The following PIGB variants were observed in gnomAD, a reference collection of about 807,000 sequenced individuals.
PIGB encodes the protein GPI alpha-1,2-mannosyltransferase 3.
PIGB carries 58 observed loss-of-function variants against 68.4 expected under a neutral mutation model. The ratio of observed to expected loss-of-function variants is 0.85; its 90% CI spans 0.69 to 1.06. PIGB has a LOEUF of 1.06. Ranked by LOEUF, PIGB falls within the 50% of genes least tolerant of loss-of-function variation. The probability of loss-of-function intolerance (pLI) is 0.00; values close to 1 mark genes in which losing one functional copy is unlikely to be tolerated. For synonymous variants in PIGB, 219 were observed against 220.5 expected (o/e 0.99, Z 0.06); for missense variants, 634 against 655.8 (o/e 0.97, Z 0.36).
At chr15:55,345,707 C>T (rs142473725) in intron 9 of PIGB, among the ~76,000 whole-genome samples, 3 of 152,204 alleles carry the variant, frequency 2.0e-5, no homozygotes, top group East Asian at 1.9e-4. Context: ...TGCATTGAGC[C>T]GAGATCGGCA....
In PIGB at chr15:55,351,955, T is replaced by C. The variant is rs183585386; in HGVS notation, c.1337+1043T>C. 976 of 154,222 alleles carry C rather than the reference T, an allele frequency of 6.3e-3. 8 individuals are homozygous for C. Among genetic ancestry groups the C allele is most frequent in the Non-Finnish European group, 0.011 (769 of 70,708 alleles). The allele number at this position is 154,222 out of a possible 1,614,324, so 9.6% of individuals were successfully genotyped here. On this transcript the variant is annotated intron_variant, in intron 10 of 11. Transcript: ENST00000164305. ...CCCTCATCTTAAACTAGACTTCTTT[T>C]TTTTTTTTTTTAGATGGAGTTTTGC...
intron 2 of PIGB, among the ~76,000 whole-genome samples, chr15:55,320,920 C>G (rs1042309686): frequency 6.6e-6 from 1 of 152,132 alleles, no homozygotes; most frequent in Admixed American, 6.5e-5. Context: ...ATATACTTGA[C>G]ACAGCCGTTA....
At chr15:55,332,154 T>C (rs112560981) in intron 5 of PIGB, among the ~76,000 whole-genome samples, 3 of 151,660 alleles carry the variant, frequency 2.0e-5, no homozygotes, top group Admixed American at 2.0e-4. Context: ...TTTGTATTTT[T>C]AGTAGAGATG....
intron 9 of PIGB, among the ~76,000 whole-genome samples, chr15:55,349,063 G>A (rs1179227490): frequency 6.6e-6 from 1 of 150,728 alleles, no homozygotes; most frequent in Non-Finnish European, 1.5e-5. Flanking sequence ...TTATATTTTA[G>A]TAGAGATGGG....
intron 7 of PIGB, chr15:55,340,400 G>A (rs2055639798): frequency 3.8e-6 from 1 of 265,982 alleles, no homozygotes; most frequent in East Asian, 9.5e-5. Flanking sequence ...AGCTTGCAGT[G>A]AGCCGAGATC....
Position 55,354,628 on chromosome 15 carries a change from GT to G in PIGB, c.1338-162del, listed in dbSNP as rs964713201. On this transcript the variant is annotated intron_variant, in intron 10 of 11. Coordinates refer to ENST00000164305, the MANE Select transcript of PIGB (RefSeq NM_004855.5). The stretch of plus-strand genomic sequence containing the variant: ...CATAGGTACATGGTATAAGAATCAT[GT>G]TTTTTTTATCTTTGAGAAAATGAGT... 2.0e-5 allele frequency: 12 copies of G among 593,234 alleles called. No individual in the cohort carries two copies. In the South Asian group the frequency reaches 2.2e-4, roughly 11 times the overall value. The allele number at this position is 593,234 out of a possible 1,614,324, so 36.7% of individuals were successfully genotyped here. A position where few individuals can be genotyped will look rare whatever the true frequency, so the allele number is the denominator to read the frequency against.
At chr15:55,330,616 T>C (rs1399155750) in intron 5 of PIGB, among the ~76,000 whole-genome samples, 7 of 152,170 alleles carry the variant, frequency 4.6e-5, no homozygotes, top group Admixed American at 4.6e-4. Context: ...GGGATGAGGC[T>C]GGAATGAGAC....
Position 55,319,361 on chromosome 15 carries a change from A to G in PIGB, c.111A>G (p.Arg37=). The change falls in exon 1 of 12, where the codon AGA becomes AGG. Residue 37 remains arginine (R), a synonymous_variant. Coordinates refer to ENST00000164305, the MANE Select transcript of PIGB (RefSeq NM_004855.5). ...RSHGKIKLRK[R]KSTLYFNTQE... ...ACGGCAAGATAAAGCTGCGAAAGAG[A>G]AAGTCTACCTTGTACTTCAACACCC... 6.4e-7 allele frequency: 1 copy of G among 1,561,196 alleles called. No individual in the cohort carries two copies. The highest frequency in any genetic ancestry group is 1.4e-5 in the African/African-American group (1 of 73,872).
Position 55,341,757 on chromosome 15 carries a change from T to C in PIGB, c.1078T>C (p.Phe360Leu). The part of the protein sequence containing the change: ...LVYSMLSHKE[F>L]RFIYPVLPFC... ...TTACAGCATGTTGAGCCACAAAGAA[T>C]TCAGGTTTATTTATCCAGTTTTACC... The change falls in exon 9 of 12, where the codon TTC becomes CTC. Residue 360 changes from phenylalanine (F) to leucine (L), a missense_variant. Coordinates refer to ENST00000164305, the MANE Select transcript of PIGB (RefSeq NM_004855.5). The C allele has an allele frequency of 6.9e-7, 1 of 1,456,064 alleles. No homozygotes were observed. The highest frequency in any genetic ancestry group is 9.2e-7 in the Non-Finnish European group (1 of 1,088,930). The allele number at this position is 1,456,064 out of a possible 1,614,324, so 90.2% of individuals were successfully genotyped here.
chr15:55,347,951 CCTATA>C (rs923753523), intron 9 of PIGB, among the ~76,000 whole-genome samples: 2 of 151,556 alleles, frequency 1.3e-5, no homozygotes, highest in Non-Finnish European at 2.9e-5. Context: ...GTGTCACCCA[CCTATA>C]CTATTGTATT....
rs1460971927 is a variant in PIGB, at chr15:55,319,402, G to T, written c.152G>T (p.Arg51Met). ...LYFNTQEKSA[R>M]RRGDLLGENI... Reference sequence around the variant, plus strand: ...TTCAACACCCAGGAGAAGAGCGCCAGGCGCCGCGGGGGTGAGTGAGGGGAC... The same window carrying T: ...TTCAACACCCAGGAGAAGAGCGCCATGCGCCGCGGGGGTGAGTGAGGGGAC... The change falls in exon 1 of 12, where the codon AGG becomes ATG. Residue 51 changes from arginine (R) to methionine (M), a missense_variant. Arg to Met is a moderately conservative substitution (Grantham distance 91, BLOSUM62 -1). Transcript: ENST00000164305. 7 of 1,551,936 alleles carry T rather than the reference G, an allele frequency of 4.5e-6. No individual in the cohort carries two copies. Among genetic ancestry groups the T allele is most frequent in the Non-Finnish European group, 6.1e-6 (7 of 1,147,066 alleles).
intron 5 of PIGB, among the ~76,000 whole-genome samples, chr15:55,332,502 C>A (rs2055440931): frequency 6.6e-6 from 1 of 151,898 alleles, no homozygotes. Context: ...TCCCAAGTAG[C>A]TGGGATTACA....
intron 6 of PIGB, among the ~76,000 whole-genome samples, chr15:55,337,677 A>G (rs2055568688): frequency 6.6e-6 from 1 of 152,182 alleles, no homozygotes; most frequent in Admixed American, 6.5e-5. Flanking sequence ...TTCCAATCCT[A>G]GGTATATGTC....
chr15:55,351,043 A>C (rs2055910099), intron 10 of PIGB, 131 bp downstream of exon 10: 1 of 594,748 alleles, frequency 1.7e-6, no homozygotes, highest in South Asian at 2.2e-5. Context: ...CCACATATTT[A>C]TTCACTGATG....
At chr15:55,321,200 C>G in intron 2 of PIGB, 73 bp from the exon 3 acceptor site, 2 of 1,335,716 alleles carry the variant, frequency 1.5e-6, no homozygotes, top group South Asian at 1.6e-5. Flanking sequence ...AGAGTGAGAC[C>G]CCATCTTAAA....
intron 10 of PIGB, among the ~76,000 whole-genome samples, chr15:55,353,141 T>C (rs2055960506): frequency 2.0e-5 from 3 of 152,200 alleles, no homozygotes; most frequent in South Asian, 2.1e-4. Flanking sequence ...CTGTAGTCAG[T>C]TGATGTCTTA....
chr15:55,346,606 CT>C (rs1318328205), intron 9 of PIGB: 2 of 152,292 alleles, frequency 1.3e-5, no homozygotes, highest in Non-Finnish European at 2.9e-5. Flanking sequence ...AGGAAGGAAC[CT>C]ATACTTTAGT....
intron 5 of PIGB, among the ~76,000 whole-genome samples, chr15:55,330,526 T>TA (rs1165454089): frequency 6.6e-6 from 1 of 152,180 alleles, no homozygotes; most frequent in Non-Finnish European, 1.5e-5. Context: ...CATTTACAGT[T>TA]ACAGTTACAG....
At chr15:55,344,887 T>TATC (rs1001260854) in intron 9 of PIGB, among the ~76,000 whole-genome samples, 3 of 147,484 alleles carry the variant, frequency 2.0e-5, no homozygotes, top group Non-Finnish European at 3.0e-5. Flanking sequence ...TCCATATTCT[T>TATC]ATCTTTTTTT....
Sources: gnomAD v4.1 joint callset for allele counts (sites outside exome capture counted in the v4.1 genomes callset) on GRCh38, gnomAD v4.1.1 for gene constraint, MANE v1.5 for transcripts, NCBI Gene and HGNC (gene_info 2026-07-23, HGNC 2026-07-21) for gene names.